CDYL2: variants seen among roughly 807,000 people sequenced by gnomAD.
The protein encoded by CDYL2 is chromodomain Y-like protein 2.
Under a neutral mutation model 49.4 loss-of-function variants are expected in CDYL2, and 23 were observed. The observed-to-expected ratio is 0.47, with a 90% CI of 0.34 to 0.66. CDYL2 has a LOEUF of 0.66. CDYL2 is among the 30% of genes least tolerant of loss of function. CDYL2 has a pLI of 0.01. For synonymous variants in CDYL2, 360 were observed against 268.8 expected (o/e 1.34, Z -3.32); for missense variants, 678 against 656.4 (o/e 1.03, Z -0.36).
chr16:80,664,501 G>C (rs1909178964), intron 2 of CDYL2, among the ~76,000 whole-genome samples: 1 of 152,146 alleles, frequency 6.6e-6, no homozygotes, highest in South Asian at 2.1e-4. Flanking sequence ...AGCTTAATAA[G>C]CTTTGAGTTC....
intron 2 of CDYL2, among the ~76,000 whole-genome samples, chr16:80,677,531 G>A (rs866626334): frequency 6.5e-4 from 99 of 152,060 alleles, no homozygotes; most frequent in African/African-American, 2.2e-3. Context: ...GAGGTCAGGA[G>A]ATGAGACCAT....
intron 2 of CDYL2, among the ~76,000 whole-genome samples, chr16:80,677,201 G>T (rs1481958782): frequency 6.6e-6 from 1 of 151,480 alleles, no homozygotes; most frequent in Admixed American, 6.6e-5. Flanking sequence ...TGAACTCCTG[G>T]GCTCAAGCTA....
rs142182889 is a variant in CDYL2, at chr16:80,765,699, A to G, written c.24+38451T>C. 4.4e-4 allele frequency among the ~76,000 whole-genome samples: 65 copies of G among 147,818 alleles called. No individual in the cohort carries two copies. In the Middle Eastern group the frequency reaches 0.01, roughly 24 times the overall value. On this transcript the variant is annotated intron_variant, in intron 1 of 6. Coordinates refer to ENST00000570137, the MANE Select transcript of CDYL2 (RefSeq NM_152342.4). ...ACTGAAAAGTGGATAAGCAAAATGT[A>G]ATCTATCCATACAAGGGAGTATTAA...
intron 1 of CDYL2, among the ~76,000 whole-genome samples, chr16:80,798,273 GCT>G (rs762665368): frequency 4.1e-4 from 63 of 152,236 alleles, no homozygotes; most frequent in Non-Finnish European, 7.9e-4. Flanking sequence ...GAATTCCTGG[GCT>G]CAAGCTATCC....
At chr16:80,760,770 A>C (rs968290038) in intron 1 of CDYL2, among the ~76,000 whole-genome samples, 1 of 151,870 alleles carries the variant, frequency 6.6e-6, no homozygotes, top group African/African-American at 2.4e-5. Flanking sequence ...GGGGCAGTCC[A>C]TCTAGAATGC....
intron 1 of CDYL2, among the ~76,000 whole-genome samples, chr16:80,761,950 C>T (rs902511260): frequency 5.3e-4 from 79 of 149,530 alleles, no homozygotes; most frequent in African/African-American, 1.9e-3. Context: ...TTTTGGGAGG[C>T]CAAGGCAGGA....
At chr16:80,645,827 C>T (rs1317564015) in intron 2 of CDYL2, among the ~76,000 whole-genome samples, 2 of 151,738 alleles carry the variant, frequency 1.3e-5, no homozygotes, top group Admixed American at 1.3e-4. Context: ...GAGTTCATGT[C>T]CTTTGTAGGG....
chr16:80,633,365 T>G, intron 2 of CDYL2, 129 bp from the exon 3 acceptor site: 2 of 836,670 alleles, frequency 2.4e-6, no homozygotes, highest in Middle Eastern at 6.2e-4. Context: ...TTCTCCCCTG[T>G]GCCACCCTCT....
chr16:80,710,179 G>A (rs1390947761), intron 1 of CDYL2, among the ~76,000 whole-genome samples: 4 of 151,992 alleles, frequency 2.6e-5, no homozygotes, highest in East Asian at 1.9e-4. Context: ...CTCCCGCCTC[G>A]GCCTCCCAAA....
At chr16:80,672,706 T>C (rs956208994) in intron 2 of CDYL2, among the ~76,000 whole-genome samples, 1 of 152,196 alleles carries the variant, frequency 6.6e-6, no homozygotes. Flanking sequence ...ACTAACTTTG[T>C]AAAGCCTCCA....
chr16:80,678,955 C>G (rs898795455), intron 2 of CDYL2, among the ~76,000 whole-genome samples: 1 of 151,036 alleles, frequency 6.6e-6, no homozygotes, highest in Admixed American at 6.6e-5. Context: ...AGTTCACGTC[C>G]TTTGTAGGGA....
At chr16:80,689,155 C>G (rs1401872722) in intron 1 of CDYL2, among the ~76,000 whole-genome samples, 1 of 152,218 alleles carries the variant, frequency 6.6e-6, no homozygotes, top group Admixed American at 6.5e-5. Flanking sequence ...AATAAGCAAT[C>G]TGAGATGCTG....
chr16:80,800,388 G>T (rs748366571), intron 1 of CDYL2, among the ~76,000 whole-genome samples: 2 of 152,094 alleles, frequency 1.3e-5, no homozygotes, highest in African/African-American at 2.4e-5. Context: ...CACGGCAAAG[G>T]CTAGACCAAC....
At chr16:80,677,892 G>A (rs997774969) in intron 2 of CDYL2, among the ~76,000 whole-genome samples, 3 of 151,802 alleles carry the variant, frequency 2.0e-5, no homozygotes, top group African/African-American at 7.2e-5. Flanking sequence ...AAAACAGCAT[G>A]GTACTGGTAC....
At position 80,603,942 on chromosome 16, in the gene CDYL2, T is replaced by C. The variant is rs1195425302; in HGVS notation, c.*446A>G. On this transcript the variant is annotated 3_prime_UTR_variant, in exon 7 of 7. Transcript: ENST00000570137. ...TCATTTTGCTCATTGGTCTGGAAATTCCCTAAGATTGGTCGTCCTCTGACA... is the reference window on the plus strand; with the variant it reads ...TCATTTTGCTCATTGGTCTGGAAATCCCCTAAGATTGGTCGTCCTCTGACA... 1.2e-5 allele frequency: 2 copies of C among 164,000 alleles called. No individual in the cohort carries two copies. Among genetic ancestry groups the C allele is most frequent in the Admixed American group, 5.8e-5 (1 of 17,116 alleles). 10.2% of individuals were successfully genotyped at this position (164,000 alleles called of 1,614,324 possible).
At chr16:80,652,050 A>C (rs1208801866) in intron 2 of CDYL2, among the ~76,000 whole-genome samples, 2 of 152,232 alleles carry the variant, frequency 1.3e-5, no homozygotes, top group Non-Finnish European at 2.9e-5. Context: ...TCTATAGATA[A>C]GGGTATATAC....
At position 80,600,900 on chromosome 16, in the gene CDYL2, G is replaced by A. The variant is rs1307845242; in HGVS notation, c.*3488C>T. 6.6e-6 allele frequency: 1 copy of A among 152,192 alleles called. No individual in the cohort carries two copies. The highest frequency in any genetic ancestry group is 6.5e-5 in the Admixed American group (1 of 15,278). The allele number at this position is 152,192 out of a possible 1,614,324, so 9.4% of individuals were successfully genotyped here. On this transcript the variant is annotated 3_prime_UTR_variant, in exon 7 of 7. Transcript: ENST00000570137. ...CAGAGATACAGTTGCATTGTTCAAA[G>A]TCTACTGTGATTATTATTTTTCCAT...
Position 80,772,893 on chromosome 16 carries a change from T to C in CDYL2, c.24+31257A>G, listed in dbSNP as rs117474287. ...AAAGTAAGGCATGAAAGTAGAGAAA[T>C]AGGAACATAGAATAGGTGGGACAAA... On this transcript the variant is annotated intron_variant, in intron 1 of 6. Coordinates refer to ENST00000570137, the MANE Select transcript of CDYL2 (RefSeq NM_152342.4). Among the ~76,000 whole-genome samples, 1,025 of 151,850 alleles carry C rather than the reference T, an allele frequency of 6.8e-3. 4 individuals carry two copies. Among genetic ancestry groups the C allele is most frequent in the Non-Finnish European group, 9.5e-3 (644 of 67,956 alleles).
chr16:80,612,731 C>T lies in CDYL2; in HGVS notation c.1113G>A (p.Val371=), dbSNP rs142940613. ...GGAACCAGGCCTTCTCACTGGCCCACACGATGTCACAGAGGGGCAGGATGG... is the reference window on the plus strand; with the variant it reads ...GGAACCAGGCCTTCTCACTGGCCCATACGATGTCACAGAGGGGCAGGATGG... ...GASILPLCDI[V]WASEKAWFQT... The change falls in exon 5 of 7, where the codon GTG becomes GTA. Residue 371 remains valine (V), a synonymous_variant. Transcript: ENST00000570137. This position sits in a 1 kb window ranked among gnomAD's most constrained non-coding sequence, Gnocchi z 5.0. 7 of 1,613,588 alleles carry T rather than the reference C, an allele frequency of 4.3e-6. No homozygotes were observed. The African/African-American group carries it at 8.0e-5, about 18-fold the overall frequency.
Sources: allele counts gnomAD v4.1 joint callset (sites outside exome capture counted in the v4.1 genomes callset), GRCh38; gene constraint gnomAD v4.1.1; non-coding constraint Gnocchi (gnomAD v3.1); transcripts MANE v1.5; gene names NCBI Gene and HGNC (gene_info 2026-07-23, HGNC 2026-07-21).